Variants in TRPM1 observed in about 807,000 individuals in gnomAD.
The protein encoded by TRPM1 is transient receptor potential cation channel subfamily M member 1, also known as TRPM1-203 APA Isoform, Intron 10.
In TRPM1, 113 loss-of-function variants were observed where a neutral mutation model predicts 149.4. That is an observed-to-expected ratio of 0.76 (90% CI 0.65 to 0.88). The LOEUF (loss-of-function observed/expected upper bound fraction) is 0.88, where lower values mean the gene tolerates loss of function less well. Among genes scored for constraint, TRPM1 ranks in the 40% least tolerant of loss-of-function variants. TRPM1 has a pLI of 0.00. For synonymous variants in TRPM1, 741 were observed against 759.5 expected, an observed-to-expected ratio of 0.98 and a Z score of 0.40; for missense variants, 1,976 against 2,038.7, an observed-to-expected ratio of 0.97 and a Z score of 0.59.
intron 1 of TRPM1, among the ~76,000 whole-genome samples, chr15:31,113,896 T>C (rs570505812): frequency 1.3e-5 from 2 of 152,334 alleles, no homozygotes; most frequent in East Asian, 3.9e-4. Flanking sequence ...CTTTGCTGGC[T>C]AACGGGTGGG....
intron 22 of TRPM1, 112 bp from the exon 23 acceptor site, chr15:31,031,269 G>A (rs527832949): frequency 2.8e-5 from 33 of 1,170,548 alleles, no homozygotes; most frequent in African/African-American, 1.1e-4. Context: ...TAATTAGGAC[G>A]AAGAAAGCCT....
chr15:31,071,996 TATATATATATATATATATATATAGAGAG>T (rs1567034468), intron 3 of TRPM1, among the ~76,000 whole-genome samples: 1 of 71,208 alleles, frequency 1.4e-5, no homozygotes, highest in African/African-American at 6.1e-5. Context: ...TATATATATA[TATATATATATATATATATATATAGAGAG>T]AGAGAGAGAG....
At chr15:31,070,826 ATTAC>A (rs1315783644) in intron 3 of TRPM1, among the ~76,000 whole-genome samples, 1 of 152,218 alleles carries the variant, frequency 6.6e-6, no homozygotes, top group African/African-American at 2.4e-5. Context: ...AAGTTCTAAA[ATTAC>A]TTACTTAGGT....
At chr15:31,092,188 ATGCTCT>A (rs1169516558) in intron 1 of TRPM1, among the ~76,000 whole-genome samples, 1 of 151,978 alleles carries the variant, frequency 6.6e-6, no homozygotes, top group Non-Finnish European at 1.5e-5. Flanking sequence ...TCTGGGGAAA[ATGCTCT>A]TGGGAGTGGG....
chr15:31,096,802 G>A (rs2035395797), intron 1 of TRPM1, among the ~76,000 whole-genome samples: 1 of 152,200 alleles, frequency 6.6e-6, no homozygotes, highest in Non-Finnish European at 1.5e-5. Context: ...CATGGTCCAG[G>A]GAAGTCCCTC....
In TRPM1 at chr15:31,026,147, A is replaced by AGT; in HGVS notation, c.3619_3620dup (p.Ser1208LeufsTer10). The AGT allele has an allele frequency of 6.2e-7, 1 of 1,611,792 alleles. No individual in the cohort carries two copies. The highest frequency in any genetic ancestry group is 1.1e-5 in the South Asian group (1 of 91,074). On this transcript the variant is annotated frameshift_variant, in exon 27 of 28. Coordinates refer to ENST00000256552, the MANE Select transcript of TRPM1 (RefSeq NM_001252024.2). LOFTEE classifies it low-confidence loss of function (END_TRUNC). Reference sequence around the variant, plus strand: ...GGGGACGCTACACGTACCTTTCAGAAGTGACCCGGATGCGCTCGTCGCTGG... The same window carrying AGT: ...GGGGACGCTACACGTACCTTTCAGAAGTGTGACCCGGATGCGCTCGTCGCTGG...
chr15:31,156,946 G>A (rs965186568), intron 1 of TRPM1, among the ~76,000 whole-genome samples: 3 of 138,880 alleles, frequency 2.2e-5, no homozygotes, highest in African/African-American at 8.2e-5. Context: ...TTTTTTTTGA[G>A]ATAGGGTCTC....
chr15:31,023,874 T>C (rs910666399), intron 27 of TRPM1, among the ~76,000 whole-genome samples: 4 of 152,182 alleles, frequency 2.6e-5, no homozygotes, highest in Non-Finnish European at 4.4e-5. Flanking sequence ...TTACAAAATG[T>C]TGGAACTTTT....
chr15:31,047,680 A>G (rs537994677), intron 14 of TRPM1, among the ~76,000 whole-genome samples: 4 of 152,376 alleles, frequency 2.6e-5, no homozygotes, highest in African/African-American at 9.6e-5. Flanking sequence ...TGTCACTGAC[A>G]GTGTCCCTAT....
intron 1 of TRPM1, among the ~76,000 whole-genome samples, chr15:31,107,446 C>A (rs2035624524): frequency 6.6e-6 from 1 of 152,100 alleles, no homozygotes; most frequent in Non-Finnish European, 1.5e-5. Context: ...TGAGTCTTCT[C>A]TGTTGTTTAG....
At chr15:31,072,788 C>A (rs1190055283) in intron 3 of TRPM1, among the ~76,000 whole-genome samples, 1 of 152,130 alleles carries the variant, frequency 6.6e-6, no homozygotes, top group Non-Finnish European at 1.5e-5. Flanking sequence ...GAGCATTTTT[C>A]ATGTGCTTAT....
At chr15:31,077,411 G>A (rs2034729121) in intron 2 of TRPM1, among the ~76,000 whole-genome samples, 2 of 151,124 alleles carry the variant, frequency 1.3e-5, no homozygotes, top group South Asian at 4.2e-4. Context: ...GATGCTCAGC[G>A]ATTTCTGCTG....
In TRPM1 at chr15:31,089,578, G is replaced by C. The variant is rs368752880; in HGVS notation, c.-83-8140C>G. Among the ~76,000 whole-genome samples the C allele has an allele frequency of 3.3e-5, 5 of 152,336 alleles. 1 individual carries two copies. Among genetic ancestry groups the C allele is most frequent in the South Asian group, 2.1e-4 (1 of 4,828 alleles). ...GAGACAGGCCTGAGCGGCACCGTTT[G>C]CTCTGTAACTCGAGGAGGCCCAGGG... is the stretch of plus-strand genomic sequence containing the variant. On this transcript the variant is annotated intron_variant, in intron 1 of 27. Transcript: ENST00000256552.
At chr15:31,019,039 C>T (rs1334351986) in intron 27 of TRPM1, among the ~76,000 whole-genome samples, 1 of 152,204 alleles carries the variant, frequency 6.6e-6, no homozygotes, top group African/African-American at 2.4e-5. Context: ...TATATGGGAA[C>T]ATTTCCTTAA....
rs755719157 is a variant in TRPM1, at chr15:31,042,011, TG to T, written c.2026del (p.His676ThrfsTer31). 6.2e-7 allele frequency: 1 copy of T among 1,614,214 alleles called. No homozygotes were observed. Among genetic ancestry groups the T allele is most frequent in the South Asian group, 1.1e-5 (1 of 91,086 alleles). On this transcript the variant is annotated frameshift_variant, in exon 17 of 28. Coordinates refer to ENST00000256552, the MANE Select transcript of TRPM1 (RefSeq NM_001252024.2). LOFTEE classifies it high-confidence loss of function. ...VACKLYKAMA[H>X]ESSESDLVDD... is the part of the protein sequence containing the mutation. ...CACCAGATCACTCTCGGAGGACTCG[TG>T]GGCCATGGCCTTGTAGAGCTTGCAG...
intron 1 of TRPM1, among the ~76,000 whole-genome samples, chr15:31,098,401 G>A (rs2035440250): frequency 6.6e-6 from 1 of 152,180 alleles, no homozygotes; most frequent in Non-Finnish European, 1.5e-5. Context: ...TTGCACTCCA[G>A]CCTGAGCAAC....
intron 1 of TRPM1, among the ~76,000 whole-genome samples, chr15:31,084,218 A>G (rs1222505704): frequency 6.6e-6 from 1 of 152,196 alleles, no homozygotes. Context: ...TATAATCCAC[A>G]TACCCTAAAA....
exon 1 of TRPM1, chr15:31,161,007 C>A: frequency 6.5e-7 from 1 of 1,527,900 alleles, no homozygotes; most frequent in South Asian, 1.2e-5. Context: ...CTCGGGTGGC[C>A]AGGCCAGTGG....
At chr15:31,084,076 C>A (rs2034934111) in intron 1 of TRPM1, among the ~76,000 whole-genome samples, 1 of 152,178 alleles carries the variant, frequency 6.6e-6, no homozygotes, top group Non-Finnish European at 1.5e-5. Context: ...GGGTTTCTAG[C>A]CTTCTTCTCT....
Sources: gnomAD v4.1 joint callset for allele counts (sites outside exome capture counted in the v4.1 genomes callset) on GRCh38, gnomAD v4.1.1 for gene constraint, MANE v1.5 for transcripts, NCBI Gene and HGNC (gene_info 2026-07-23, HGNC 2026-07-21) for gene names.